The following AFAP1L2 variants were observed in gnomAD, a reference collection of about 807,000 sequenced individuals.
AFAP1L2 encodes the protein actin filament-associated protein 1-like 2.
In AFAP1L2, 46 loss-of-function variants were observed where a neutral mutation model predicts 99.3. That is an observed-to-expected ratio of 0.46 (90% CI 0.37 to 0.59). The LOEUF is 0.59. Ranked by LOEUF, AFAP1L2 falls within the 20% of genes least tolerant of loss-of-function variation. AFAP1L2 has a pLI of 0.00. For synonymous variants in AFAP1L2, 397 were observed against 419.1 expected, an observed-to-expected ratio of 0.95 and a Z score of 0.64; for missense variants, 959 against 1,034.9, an observed-to-expected ratio of 0.93 and a Z score of 1.01.
intron 1 of AFAP1L2, among the ~76,000 whole-genome samples, chr10:114,395,382 G>C (rs1258922585): frequency 6.6e-6 from 1 of 152,072 alleles, no homozygotes; most frequent in Non-Finnish European, 1.5e-5. Context: ...CCACCCAGTA[G>C]GTCCCAGCTC....
At chr10:114,325,265 C>A (rs1262752003) in intron 4 of AFAP1L2, among the ~76,000 whole-genome samples, 1 of 152,236 alleles carries the variant, frequency 6.6e-6, no homozygotes, top group Non-Finnish European at 1.5e-5. Context: ...ATATTAAATA[C>A]AAGGAGGCCA....
Position 114,374,653 on chromosome 10 carries a change from G to A in AFAP1L2, c.16+29787C>T, listed in dbSNP as rs141693925. Among the ~76,000 whole-genome samples, 316 of 151,676 alleles carry A rather than the reference G, an allele frequency of 2.1e-3. 1 individual carries two copies. Among genetic ancestry groups the A allele is most frequent in the Non-Finnish European group, 3.6e-3 (246 of 67,942 alleles). ...GCCAGAGTCCTGAACTCACCCCCTC[G>A]CTGGATGATTCTAGAAGAAGAAAAA... On this transcript the variant is annotated intron_variant, in intron 1 of 18. Coordinates refer to ENST00000304129, the MANE Select transcript of AFAP1L2 (RefSeq NM_001001936.3).
chr10:114,286,488 A>G, the AFAP1L2 span: 6 of 1,585,138 alleles, frequency 3.8e-6, no homozygotes, highest in Admixed American at 3.4e-5. Context: ...CTGCAGGGGA[A>G]GCTGTGCAGC....
At position 114,300,684 on chromosome 10, in the gene AFAP1L2, G is replaced by T; in HGVS notation, c.1549C>A (p.Pro517Thr). 6.3e-7 allele frequency: 1 copy of T among 1,587,696 alleles called. No individual in the cohort carries two copies. Among genetic ancestry groups the T allele is most frequent in the East Asian group, 2.2e-5 (1 of 44,678 alleles). Residue 517 changes from proline to threonine, a missense_variant, in exon 14 of 19, where the codon CCT becomes ACT. By Grantham distance (38) the Pro-to-Thr change is conservative (BLOSUM62 -1). Coordinates refer to ENST00000304129, the MANE Select transcript of AFAP1L2 (RefSeq NM_001001936.3). Reference sequence around the variant, plus strand: ...GCAACAGGGGTGGCTTCCTCGGTAGGCTCCACCTGCAGGAGAGAGTGAGTC... The same window carrying T: ...GCAACAGGGGTGGCTTCCTCGGTAGTCTCCACCTGCAGGAGAGAGTGAGTC... ...DLSELTAAVE[P>T]TEEATPVADD...
intron 3 of AFAP1L2, among the ~76,000 whole-genome samples, chr10:114,332,387 G>A (rs997029094): frequency 2.0e-5 from 3 of 152,210 alleles, no homozygotes; most frequent in Admixed American, 6.5e-5. Context: ...ACCAACCCTC[G>A]GTGCACTTGG....
At chr10:114,318,768 A>C (rs1358570635) in intron 5 of AFAP1L2, among the ~76,000 whole-genome samples, 5 of 149,558 alleles carry the variant, frequency 3.3e-5, no homozygotes, top group African/African-American at 1.3e-4. Flanking sequence ...AGAACAACAA[A>C]TCATACTCCT....
chr10:114,281,540 G>A, the AFAP1L2 span, among the ~76,000 whole-genome samples: 6 of 152,238 alleles, frequency 3.9e-5, no homozygotes, highest in African/African-American at 1.4e-4. Context: ...CCAGCAGGTG[G>A]AAGCCACCCA....
Position 114,315,757 on chromosome 10 carries a change from C to T in AFAP1L2, c.415G>A (p.Glu139Lys). The T allele has an allele frequency of 1.2e-6, 2 of 1,611,538 alleles. No individual in the cohort carries two copies. The highest frequency in any genetic ancestry group is 1.1e-5 in the South Asian group (1 of 90,622). Residue 139 changes from glutamate to lysine, a missense_variant, in exon 6 of 19, where the codon GAG becomes AAG. By Grantham distance (56) the Glu-to-Lys change is moderately conservative. Around this residue, in one of 2 missense-constraint regions of AFAP1L2, gnomAD observed 383 missense variants for 472.8 expected, o/e 0.81. Coordinates refer to ENST00000304129, the MANE Select transcript of AFAP1L2 (RefSeq NM_001001936.3). ...GACTCGTAGGAGCTGCTCACAGCCT[C>T]TCCGTCCTCTGCAAGGAAGACCAGC... ...PYDTSLNEDG[E>K]AVSSSYESYD...
the AFAP1L2 span, among the ~76,000 whole-genome samples, chr10:114,288,176 T>C: frequency 6.6e-6 from 1 of 152,228 alleles, no homozygotes; most frequent in Non-Finnish European, 1.5e-5. Flanking sequence ...TTCTGGCTCA[T>C]ACTTACTTGT....
chr10:114,341,588 G>C (rs898415797), intron 1 of AFAP1L2, among the ~76,000 whole-genome samples: 1 of 150,438 alleles, frequency 6.6e-6, no homozygotes, highest in African/African-American at 2.4e-5. Flanking sequence ...ACTCCAGCCT[G>C]GTGACAGAGC....
At chr10:114,327,941 G>A (rs1252997518) in intron 4 of AFAP1L2, among the ~76,000 whole-genome samples, 3 of 152,246 alleles carry the variant, frequency 2.0e-5, no homozygotes, top group Non-Finnish European at 2.9e-5. Flanking sequence ...GGCTAGCCAC[G>A]GCAATGTCCT....
intron 1 of AFAP1L2, among the ~76,000 whole-genome samples, chr10:114,360,509 T>TAGATAGTTAGATAGA (rs61366681): frequency 0.014 from 1,497 of 107,310 alleles, 11 homozygotes; most frequent in Admixed American, 0.039. Flanking sequence ...AGATAGATAG[T>TAGATAGTTAGATAGA]TAGATAGATA....
At chr10:114,285,898 T>G in the AFAP1L2 span, 1 of 1,537,818 alleles carries the variant, frequency 6.5e-7, no homozygotes, top group East Asian at 2.3e-5. Flanking sequence ...GCATGCCGCA[T>G]GACCATGGCT....
rs766929781 is a variant in AFAP1L2 at position 114,352,479 on chromosome 10, T to TAAAAAAAAA, written c.17-11757_17-11749dup. Reference sequence around the variant, plus strand: ...ACAGAGCAAGACTCTGTCTCCAAATTAAAAAAAAAAAAAAAAAAAAGCAAC... The same window carrying TAAAAAAAAA: ...ACAGAGCAAGACTCTGTCTCCAAATTAAAAAAAAAAAAAAAAAAAAAAAAAAAAAGCAAC... On this transcript the variant is annotated intron_variant, in intron 1 of 18. Coordinates refer to ENST00000304129, the MANE Select transcript of AFAP1L2 (RefSeq NM_001001936.3). 5.7e-3 allele frequency among the ~76,000 whole-genome samples: 408 copies of TAAAAAAAAA among 71,324 alleles called. 13 individuals are homozygous for TAAAAAAAAA. Among genetic ancestry groups the TAAAAAAAAA allele is most frequent in the African/African-American group, 8.1e-3 (147 of 18,204 alleles). The allele number at this position is 71,324 out of a possible 152,430, so 46.8% of individuals were successfully genotyped here.
At chr10:114,329,705 C>A (rs1298884288) in intron 4 of AFAP1L2, among the ~76,000 whole-genome samples, 1 of 152,174 alleles carries the variant, frequency 6.6e-6, no homozygotes, top group African/African-American at 2.4e-5. Context: ...GGTATCAGGG[C>A]TGAAAGTGAG....
chr10:114,297,799 C>G (rs935819397), intron 16 of AFAP1L2, among the ~76,000 whole-genome samples: 2 of 152,228 alleles, frequency 1.3e-5, no homozygotes, highest in Non-Finnish European at 2.9e-5. Context: ...CCTCAATCCT[C>G]TGGCTTCCCT....
chr10:114,344,530 G>T (rs887720018), intron 1 of AFAP1L2, among the ~76,000 whole-genome samples: 1 of 152,146 alleles, frequency 6.6e-6, no homozygotes, highest in Non-Finnish European at 1.5e-5. Flanking sequence ...AATAGCCTTT[G>T]TTTCTATTTC....
At chr10:114,393,128 C>T (rs1397314067) in intron 1 of AFAP1L2, among the ~76,000 whole-genome samples, 5 of 152,162 alleles carry the variant, frequency 3.3e-5, no homozygotes, top group Non-Finnish European at 7.4e-5. Flanking sequence ...ATCCTCTGAA[C>T]CTACCAAAGG....
intron 4 of AFAP1L2, chr10:114,326,048 C>G (rs773857717): frequency 2.6e-5 from 34 of 1,287,856 alleles, no homozygotes; most frequent in Non-Finnish European, 3.2e-5. Context: ...TCTCTAGAGT[C>G]GAACAGGACA....
Sources: gnomAD v4.1 joint callset for allele counts (sites outside exome capture counted in the v4.1 genomes callset) on GRCh38, gnomAD v4.1.1 for gene constraint, gnomAD v4.1.1 regional missense constraint, MANE v1.5 for transcripts, NCBI Gene and HGNC (gene_info 2026-07-23, HGNC 2026-07-21) for gene names.